The following GRIN2A variants were observed in gnomAD, a reference collection of about 807,000 sequenced individuals.
The protein encoded by GRIN2A is glutamate receptor ionotropic, NMDA 2A.
Under a neutral mutation model 113.4 loss-of-function variants are expected in GRIN2A, and 22 were observed. That is an observed-to-expected ratio of 0.19 (90% CI 0.14 to 0.28). GRIN2A has a LOEUF of 0.28. Among genes scored for constraint, GRIN2A ranks in the 10% least tolerant of loss-of-function variants. The pLI, the probability that GRIN2A is intolerant of heterozygous loss-of-function variation, is 1.00. For synonymous variants in GRIN2A, 827 were observed against 738.4 expected, an observed-to-expected ratio of 1.12 and a Z score of -1.94; for missense variants, 1,502 against 1,887.0, an observed-to-expected ratio of 0.80 and a Z score of 3.78.
chr16:9,801,872 A>G (rs1249739141), intron 10 of GRIN2A, among the ~76,000 whole-genome samples: 1 of 152,220 alleles, frequency 6.6e-6, no homozygotes, highest in Admixed American at 6.5e-5. Flanking sequence ...ATTACAACAC[A>G]GAAAGGAAAC....
At chr16:10,015,383 CA>C (rs1253521380) in intron 2 of GRIN2A, among the ~76,000 whole-genome samples, 6 of 150,952 alleles carry the variant, frequency 4.0e-5, no homozygotes, top group African/African-American at 1.5e-4. Flanking sequence ...GAAAGATCCA[CA>C]ATGTCTATAA....
At chr16:10,060,403 A>G (rs1039363986) in intron 2 of GRIN2A, among the ~76,000 whole-genome samples, 3 of 152,206 alleles carry the variant, frequency 2.0e-5, no homozygotes, top group African/African-American at 7.2e-5. Context: ...AGATAAGAAA[A>G]TTAAGGCTCA....
In GRIN2A at chr16:9,809,108, T is replaced by G. The variant is rs538754087; in HGVS notation, c.2169-10644A>C. On this transcript the variant is annotated intron_variant, in intron 10 of 12. Transcript: ENST00000330684. ...TTCCACAGAATAAAATTTTATTCTG[T>G]GTGGACATATATTAATATATACAAA... Among the ~76,000 whole-genome samples the G allele has an allele frequency of 3.0e-3, 396 of 132,962 alleles. 5 individuals carry two copies. The highest frequency in any genetic ancestry group is 7.4e-4 in the Non-Finnish European group (46 of 62,224). The allele number at this position is 132,962 out of a possible 152,430, so 87.2% of individuals were successfully genotyped here.
At chr16:9,906,781 T>C (rs1039537755) in intron 3 of GRIN2A, among the ~76,000 whole-genome samples, 1 of 152,230 alleles carries the variant, frequency 6.6e-6, no homozygotes, top group East Asian at 1.9e-4. Context: ...CATTTTGCAC[T>C]TTTTTGTGCC....
At chr16:9,903,656 C>T (rs978991000) in intron 3 of GRIN2A, among the ~76,000 whole-genome samples, 2 of 152,190 alleles carry the variant, frequency 1.3e-5, no homozygotes, top group Admixed American at 1.3e-4. Context: ...AATAATACCT[C>T]TTCCACAAAG....
chr16:9,883,814 C>T (rs1452012690), intron 4 of GRIN2A, among the ~76,000 whole-genome samples: 2 of 152,078 alleles, frequency 1.3e-5, no homozygotes, highest in African/African-American at 2.4e-5. Context: ...GCACCTGAAA[C>T]CAAATGTAAA....
intron 10 of GRIN2A, among the ~76,000 whole-genome samples, chr16:9,807,230 TG>T (rs2041989800): frequency 2.9e-5 from 1 of 34,870 alleles, no homozygotes; most frequent in Admixed American, 3.3e-4. Flanking sequence ...GGGGAAAAAG[TG>T]GGGGGAGAGA....
intron 2 of GRIN2A, among the ~76,000 whole-genome samples, chr16:10,166,951 C>G (rs2049936912): frequency 6.6e-6 from 1 of 152,154 alleles, no homozygotes; most frequent in African/African-American, 2.4e-5. Flanking sequence ...ACTTAAGAAT[C>G]TACTATATAA....
At chr16:10,076,512 C>T (rs13331428) in intron 2 of GRIN2A, among the ~76,000 whole-genome samples, 12 of 151,960 alleles carry the variant, frequency 7.9e-5, no homozygotes, top group African/African-American at 2.4e-4. Context: ...GGCCCTCCCA[C>T]GCACTAGGAT....
At chr16:9,966,796 TCCCTGCCCCTCAC>T (rs1307229018) in intron 2 of GRIN2A, among the ~76,000 whole-genome samples, 1 of 152,082 alleles carries the variant, frequency 6.6e-6, no homozygotes, top group Non-Finnish European at 1.5e-5. Flanking sequence ...AGACTGACAA[TCCCTGCCCCTCAC>T]TTTCTGATTC....
intron 2 of GRIN2A, chr16:10,179,669 C>T: frequency 2.3e-6 from 1 of 440,404 alleles, no homozygotes; most frequent in Non-Finnish European, 4.2e-6. Context: ...CTCTGTGCCC[C>T]ATGGTACTCG....
chr16:9,860,340 CG>C (rs908546458), intron 4 of GRIN2A, among the ~76,000 whole-genome samples: 3 of 146,526 alleles, frequency 2.0e-5, no homozygotes, highest in African/African-American at 7.7e-5. Context: ...CCCAGCTACT[CG>C]GGAAGTTGAG....
At chr16:10,066,144 G>A (rs1013576162) in intron 2 of GRIN2A, among the ~76,000 whole-genome samples, 7 of 152,248 alleles carry the variant, frequency 4.6e-5, no homozygotes, top group African/African-American at 7.2e-5. Flanking sequence ...TCTTCATCAC[G>A]GCAGAATTTC....
chr16:10,095,349 G>A (rs2048267773), intron 2 of GRIN2A, among the ~76,000 whole-genome samples: 1 of 152,186 alleles, frequency 6.6e-6, no homozygotes. Context: ...GCCAGGTTGA[G>A]GTGCTGACCG....
chr16:9,845,586 C>G (rs2042758023), intron 5 of GRIN2A, among the ~76,000 whole-genome samples: 1 of 152,188 alleles, frequency 6.6e-6, no homozygotes, highest in South Asian at 2.1e-4. Flanking sequence ...CCTCCATCCT[C>G]CTTGTAACTC....
intron 11 of GRIN2A, among the ~76,000 whole-genome samples, chr16:9,785,245 A>G (rs1328264781): frequency 6.6e-6 from 1 of 152,160 alleles, no homozygotes; most frequent in East Asian, 1.9e-4. Context: ...TACAACATGG[A>G]ATACTATGCA....
chr16:9,873,561 C>T (rs888919374), intron 4 of GRIN2A, among the ~76,000 whole-genome samples: 4 of 142,156 alleles, frequency 2.8e-5, no homozygotes, highest in African/African-American at 1.1e-4. Context: ...ACAACAACAA[C>T]AACAAACAAA....
At chr16:10,100,238 C>T (rs1307671585) in intron 2 of GRIN2A, among the ~76,000 whole-genome samples, 1 of 152,268 alleles carries the variant, frequency 6.6e-6, no homozygotes, top group South Asian at 2.1e-4. Flanking sequence ...CAACGGGAAG[C>T]CATGAAACCG....
intron 2 of GRIN2A, among the ~76,000 whole-genome samples, chr16:10,130,103 G>C (rs908605233): frequency 2.0e-5 from 3 of 152,158 alleles, no homozygotes; most frequent in Non-Finnish European, 4.4e-5. Flanking sequence ...AGGAGAGATA[G>C]GTATGGGGAC....
Sources: gnomAD v4.1 joint callset for allele counts (sites outside exome capture counted in the v4.1 genomes callset) on GRCh38, gnomAD v4.1.1 for gene constraint, MANE v1.5 for transcripts, NCBI Gene and HGNC (gene_info 2026-07-23, HGNC 2026-07-21) for gene names.